The following SLC25A43 variants were observed in gnomAD, a reference collection of about 807,000 sequenced individuals.
The protein encoded by SLC25A43 is solute carrier family 25 member 43.
SLC25A43 carries 10 observed loss-of-function variants against 22.8 expected under a neutral mutation model. The observed-to-expected ratio is 0.44, with a 90% CI of 0.27 to 0.74. The LOEUF is 0.74. SLC25A43 is among the 30% of genes least tolerant of loss of function. SLC25A43 has a pLI of 0.17. For missense variants in SLC25A43, 233 were observed against 279.1 expected, an observed-to-expected ratio of 0.83 and a Z score of 1.18; for synonymous variants, 106 against 121.6, an observed-to-expected ratio of 0.87 and a Z score of 0.84.
At chrX:119,408,045 G>A (rs1042352603) in intron 2 of SLC25A43, among the ~76,000 whole-genome samples, 9 of 110,456 alleles carry the variant, frequency 8.1e-5, no homozygotes, top group Admixed American at 6.8e-4. Context: ...ATCTCTCCAC[G>A]TGCAATTTCA....
chrX:119,414,867 C>T (rs188588947), intron 3 of SLC25A43, among the ~76,000 whole-genome samples: 1 of 108,157 alleles, frequency 9.2e-6, no homozygotes, highest in Non-Finnish European at 1.9e-5. Flanking sequence ...CTCACCTCAG[C>T]CTCCTGAGTA....
chrX:119,407,591 G>A (rs2052309675), intron 2 of SLC25A43, among the ~76,000 whole-genome samples: 1 of 111,102 alleles, frequency 9.0e-6, no homozygotes, highest in South Asian at 3.8e-4. Flanking sequence ...AGTCCACATA[G>A]ATAGAAAGCA....
At chrX:119,441,266 G>C (rs2052619788) in intron 3 of SLC25A43, among the ~76,000 whole-genome samples, 1 of 72,519 alleles carries the variant, frequency 1.4e-5, no homozygotes, top group African/African-American at 5.3e-5. Flanking sequence ...CTTTGACTCG[G>C]AAAGGGAACT....
intron 3 of SLC25A43, among the ~76,000 whole-genome samples, chrX:119,441,433 G>T (rs908636463): frequency 3.7e-5 from 4 of 106,765 alleles, no homozygotes; most frequent in Non-Finnish European, 7.7e-5. Flanking sequence ...CGTCTTCTGC[G>T]TCGCTCACGC....
Position 119,406,475 on chromosome X carries a change from C to A in SLC25A43, c.291C>A (p.Phe97Leu). 8.3e-7 allele frequency: 1 copy of A among 1,211,210 alleles called. No individual in the cohort carries two copies. The highest frequency in any genetic ancestry group is 1.8e-5 in the South Asian group (1 of 56,879). The change falls in exon 2 of 5, where the codon TTC becomes TTA. Residue 97 changes from phenylalanine to leucine, a missense_variant. Coordinates refer to ENST00000217909, the MANE Select transcript of SLC25A43 (RefSeq NM_145305.3). ...LAAYRKFVVLFTDDLGHISQW... is the reference protein window; with the variant it reads ...LAAYRKFVVLLTDDLGHISQW... ...TTTCTCCCAGATTTGTTGTGCTGTTCACAGATGACCTGGGCCACATTTCCC... is the reference window on the plus strand; with the variant it reads ...TTTCTCCCAGATTTGTTGTGCTGTTAACAGATGACCTGGGCCACATTTCCC...
chrX:119,401,047 A>G (rs1339262781), intron 1 of SLC25A43, among the ~76,000 whole-genome samples: 2 of 111,696 alleles, frequency 1.8e-5, no homozygotes, highest in East Asian at 2.8e-4. Context: ...TCTTCTGCTA[A>G]GCACCTAGTA....
chrX:119,412,530 C>T lies in SLC25A43; in HGVS notation c.690+2168C>T, dbSNP rs148000865. On this transcript the variant is annotated intron_variant, in intron 3 of 4. Coordinates refer to ENST00000217909, the MANE Select transcript of SLC25A43 (RefSeq NM_145305.3). ...CTGGGACTACAGGCATGTGCCACTA[C>T]ACCCAGCTAATTTTTGTATTTTTGG... Among the ~76,000 whole-genome samples the T allele has an allele frequency of 1.6e-3, 176 of 111,427 alleles. 1 individual carries two copies. In the East Asian group the frequency reaches 0.048, roughly 30 times the overall value.
At chrX:119,400,722 T>A (rs1443944349) in intron 1 of SLC25A43, among the ~76,000 whole-genome samples, 1 of 112,412 alleles carries the variant, frequency 8.9e-6, no homozygotes, top group African/African-American at 3.2e-5. Flanking sequence ...TCATCCTTAT[T>A]ACCTAGGCCT....
At chrX:119,423,056 A>C (rs1013302289) in intron 3 of SLC25A43, 5 of 111,480 alleles carry the variant, frequency 4.5e-5, no homozygotes, top group Non-Finnish European at 9.4e-5. Flanking sequence ...CTCATTTCTC[A>C]GCCCTGAAGT....
In SLC25A43 at chrX:119,410,413, T is replaced by C. The variant is rs769548846; in HGVS notation, c.690+51T>C. On this transcript the variant is annotated intron_variant, in intron 3 of 4. Coordinates refer to ENST00000217909, the MANE Select transcript of SLC25A43 (RefSeq NM_145305.3). ...GGGGTGGAATGCTTTGTAGTGTTTGTGGTCGGGTAATAACAGCAAAGAACA... is the reference window on the plus strand; with the variant it reads ...GGGGTGGAATGCTTTGTAGTGTTTGCGGTCGGGTAATAACAGCAAAGAACA... 40 of 1,163,144 alleles carry C rather than the reference T, an allele frequency of 3.4e-5. No homozygotes were observed. The East Asian group carries it at 3.9e-4, about 11-fold the overall frequency.
At chrX:119,414,284 A>T (rs1379118544) in intron 3 of SLC25A43, among the ~76,000 whole-genome samples, 1 of 112,537 alleles carries the variant, frequency 8.9e-6, no homozygotes, top group African/African-American at 3.2e-5. Flanking sequence ...ATTGGTAAGA[A>T]GTCTTTATAT....
intron 3 of SLC25A43, among the ~76,000 whole-genome samples, chrX:119,414,019 G>A (rs1046964938): frequency 1.8e-5 from 2 of 111,857 alleles, no homozygotes; most frequent in Admixed American, 9.6e-5. Context: ...CAGAAAGGTT[G>A]TAAGTTTGTA....
chrX:119,431,700 T>C (rs934846159), intron 3 of SLC25A43, among the ~76,000 whole-genome samples: 1 of 111,606 alleles, frequency 9.0e-6, no homozygotes, highest in African/African-American at 3.3e-5. Flanking sequence ...TGACATTTAA[T>C]AAGTGCCTGG....
intron 3 of SLC25A43, among the ~76,000 whole-genome samples, chrX:119,444,217 T>C (rs1163349997): frequency 8.9e-6 from 1 of 111,845 alleles, no homozygotes; most frequent in Non-Finnish European, 1.9e-5. Flanking sequence ...AAATTAGTCA[T>C]ATAAACAGCA....
chrX:119,428,819 C>T (rs1260962048), intron 3 of SLC25A43, among the ~76,000 whole-genome samples: 1 of 111,692 alleles, frequency 9.0e-6, no homozygotes, highest in Non-Finnish European at 1.9e-5. Context: ...ATTAGATTCT[C>T]ATAGCAGTGC....
chrX:119,416,377 G>A (rs950182758), intron 3 of SLC25A43, among the ~76,000 whole-genome samples: 7 of 110,906 alleles, frequency 6.3e-5, no homozygotes, highest in African/African-American at 2.0e-4. Flanking sequence ...GTGCCACCAC[G>A]CCCGGCTAAG....
chrX:119,401,338 G>A (rs962531190), intron 1 of SLC25A43, among the ~76,000 whole-genome samples: 1 of 111,746 alleles, frequency 8.9e-6, no homozygotes, highest in Non-Finnish European at 1.9e-5. Context: ...GATGGAAGGG[G>A]CATGGTCCCT....
At chrX:119,435,581 C>A (rs1341853038) in intron 3 of SLC25A43, among the ~76,000 whole-genome samples, 18 of 54,924 alleles carry the variant, frequency 3.3e-4, no homozygotes, top group African/African-American at 1.1e-3. Flanking sequence ...AATGTGTCAT[C>A]TAGCATTAGG....
At chrX:119,410,004 A>G (rs1391305618) in intron 2 of SLC25A43, among the ~76,000 whole-genome samples, 186 bp from the exon 3 acceptor site, 2 of 111,786 alleles carry the variant, frequency 1.8e-5, no homozygotes, top group African/African-American at 6.5e-5. Flanking sequence ...AAATGACACA[A>G]CCCCTACCAA....
Sources: allele counts gnomAD v4.1 joint callset (sites outside exome capture counted in the v4.1 genomes callset), GRCh38; gene constraint gnomAD v4.1.1; transcripts MANE v1.5; gene names NCBI Gene and HGNC (gene_info 2026-07-23, HGNC 2026-07-21).